The following STXBP5L variants were observed in gnomAD, a reference collection of about 807,000 sequenced individuals.
STXBP5L encodes the protein syntaxin binding protein 5L.
A neutral mutation model predicts 144.5 loss-of-function variants in STXBP5L; 65 were observed. The ratio of observed to expected loss-of-function variants is 0.45; its 90% CI spans 0.37 to 0.55. The LOEUF (loss-of-function observed/expected upper bound fraction) is 0.55. Ranked by LOEUF, STXBP5L falls within the 20% of genes least tolerant of loss-of-function variation. The pLI, the probability that STXBP5L is intolerant of heterozygous loss-of-function variation, is 0.00. For missense variants in STXBP5L, 1,298 were observed against 1,405.5 expected (o/e 0.92, Z 1.22); for synonymous variants, 505 against 469.6 (o/e 1.08, Z -0.97).
intron 3 of STXBP5L, among the ~76,000 whole-genome samples, chr3:120,987,893 G>A (rs552697178): frequency 4.8e-4 from 73 of 151,878 alleles, no homozygotes; most frequent in Middle Eastern, 3.4e-3. Flanking sequence ...TTTGTTAAAT[G>A]TTTGGTAGAA....
chr3:121,192,395 C>T (rs376568711), intron 9 of STXBP5L, among the ~76,000 whole-genome samples: 37 of 152,098 alleles, frequency 2.4e-4, no homozygotes, highest in African/African-American at 8.9e-4. Context: ...GGCCATACTC[C>T]CCAAGTTAAT....
intron 3 of STXBP5L, among the ~76,000 whole-genome samples, chr3:120,964,891 A>G (rs577664448): frequency 3.3e-5 from 5 of 152,106 alleles, no homozygotes; most frequent in African/African-American, 1.2e-4. Context: ...TCCCATTATT[A>G]TTGTGTGGGA....
At chr3:121,154,600 TTCTC>T (rs1462833558) in intron 8 of STXBP5L, among the ~76,000 whole-genome samples, 2 of 151,842 alleles carry the variant, frequency 1.3e-5, no homozygotes, top group East Asian at 1.9e-4. Flanking sequence ...CCCTCATTTC[TTCTC>T]TCTCTAATTT....
At chr3:121,358,105 T>C (rs1046460231) in intron 20 of STXBP5L, among the ~76,000 whole-genome samples, 1 of 152,222 alleles carries the variant, frequency 6.6e-6, no homozygotes, top group African/African-American at 2.4e-5. Context: ...CATTTATCCT[T>C]TGAGTTACAA....
At chr3:121,381,865 G>A (rs2046332040) in intron 22 of STXBP5L, among the ~76,000 whole-genome samples, 1 of 152,106 alleles carries the variant, frequency 6.6e-6, no homozygotes, top group South Asian at 2.1e-4. Flanking sequence ...ATTACCCAAA[G>A]TTCCATGCCA....
chr3:121,124,221 A>G (rs1031209821), intron 7 of STXBP5L, among the ~76,000 whole-genome samples: 1 of 151,884 alleles, frequency 6.6e-6, no homozygotes, highest in African/African-American at 2.4e-5. Flanking sequence ...TATTAATTAT[A>G]ATAACTTACA....
intron 20 of STXBP5L, among the ~76,000 whole-genome samples, chr3:121,366,967 A>C (rs963810120): frequency 9.2e-5 from 14 of 152,172 alleles, no homozygotes; most frequent in African/African-American, 3.4e-4. Flanking sequence ...CTAAAGTTAT[A>C]ACACTAAGAT....
At chr3:120,974,222 A>T (rs1319242404) in intron 3 of STXBP5L, among the ~76,000 whole-genome samples, 12 of 152,002 alleles carry the variant, frequency 7.9e-5, no homozygotes, top group Non-Finnish European at 4.4e-5. Flanking sequence ...TGACTTTTTA[A>T]TGATTGCCAT....
intron 19 of STXBP5L, among the ~76,000 whole-genome samples, chr3:121,304,151 A>C (rs1038008389): frequency 2.0e-5 from 3 of 152,186 alleles, no homozygotes; most frequent in African/African-American, 7.2e-5. Context: ...GGAGATAAAC[A>C]GTTCAAATTA....
chr3:121,393,234 A>C (rs1248003219), intron 22 of STXBP5L, among the ~76,000 whole-genome samples: 1 of 148,922 alleles, frequency 6.7e-6, no homozygotes, highest in Non-Finnish European at 1.5e-5. Context: ...TGTTGTTTTG[A>C]AAAGTGCCTG....
chr3:121,378,354 T>C (rs1183254599), intron 20 of STXBP5L, among the ~76,000 whole-genome samples: 2 of 152,184 alleles, frequency 1.3e-5, no homozygotes, highest in Non-Finnish European at 2.9e-5. Context: ...AAAATGCTTC[T>C]ATTCTATCTT....
intron 5 of STXBP5L, among the ~76,000 whole-genome samples, chr3:121,054,874 A>T (rs1948336052): frequency 1.3e-5 from 2 of 150,370 alleles, no homozygotes; most frequent in Admixed American, 1.4e-4. Flanking sequence ...CTTTGAATAG[A>T]TCTGACTGTA....
At chr3:121,416,479 ATTTATTTATTTAT>A (rs1489652888) in intron 25 of STXBP5L, among the ~76,000 whole-genome samples, 2 of 8,160 alleles carry the variant, frequency 2.5e-4, no homozygotes, top group African/African-American at 1.0e-3. Flanking sequence ...ATTTTTATTT[ATTTATTTATTTAT>A]TTATTTATTT....
chr3:121,166,714 TTGCTCAA>T (rs1275972900), intron 9 of STXBP5L, among the ~76,000 whole-genome samples: 2 of 152,190 alleles, frequency 1.3e-5, no homozygotes, highest in Non-Finnish European at 2.9e-5. Flanking sequence ...TGAAAGGTCA[TTGCTCAA>T]TATTAATACA....
chr3:121,104,815 C>A (rs999961191), intron 5 of STXBP5L, among the ~76,000 whole-genome samples: 1 of 152,140 alleles, frequency 6.6e-6, no homozygotes, highest in Non-Finnish European at 1.5e-5. Context: ...ATTGGAAAAA[C>A]TCTTCTAGAC....
At chr3:121,064,697 T>A (rs1360773636) in intron 5 of STXBP5L, among the ~76,000 whole-genome samples, 1 of 152,194 alleles carries the variant, frequency 6.6e-6, no homozygotes, top group Non-Finnish European at 1.5e-5. Flanking sequence ...TGTTCCACAT[T>A]TTTTTAGGTT....
intron 19 of STXBP5L, among the ~76,000 whole-genome samples, chr3:121,314,754 C>T (rs1467831221): frequency 6.6e-6 from 1 of 152,140 alleles, no homozygotes; most frequent in Non-Finnish European, 1.5e-5. Context: ...GGGCTAATAT[C>T]CAGAATCTAC....
intron 20 of STXBP5L, among the ~76,000 whole-genome samples, chr3:121,334,094 G>A (rs894529688): frequency 1.3e-5 from 2 of 151,954 alleles, no homozygotes; most frequent in African/African-American, 4.8e-5. Context: ...TTATTTCTTT[G>A]CCTGCCACCA....
In STXBP5L at chr3:121,010,882, G is replaced by A. The variant is rs72968808; in HGVS notation, c.288-30818G>A. ...GGTTGAGAAGGAGATGGAAGAGAAG[G>A]GGTTTGTCTTGCTGTCTGGGGTGGC... On this transcript the variant is annotated intron_variant, in intron 3 of 26. Coordinates refer to ENST00000471454, the MANE Select transcript of STXBP5L (RefSeq NM_001308330.2). Among the ~76,000 whole-genome samples the A allele has an allele frequency of 2.5e-3, 375 of 151,538 alleles. 2 individuals carry two copies. Among genetic ancestry groups the A allele is most frequent in the African/African-American group, 8.5e-3 (352 of 41,338 alleles).
Sources: allele counts gnomAD v4.1 joint callset (sites outside exome capture counted in the v4.1 genomes callset), GRCh38; gene constraint gnomAD v4.1.1; transcripts MANE v1.5; gene names NCBI Gene and HGNC (gene_info 2026-07-23, HGNC 2026-07-21).